The following POU2AF1 variants were observed in gnomAD, a reference collection of about 807,000 sequenced individuals.
POU2AF1 encodes the protein POU class 2 homeobox associating factor 1, also known as POU domain class 2-associating factor 1.
A neutral mutation model predicts 26.3 loss-of-function variants in POU2AF1; 12 were observed. The observed-to-expected ratio is 0.46, with a 90% CI of 0.29 to 0.74. The LOEUF is 0.74. POU2AF1 is among the 30% of genes least tolerant of loss of function. The probability of loss-of-function intolerance (pLI) is 0.09; values close to 1 mark genes in which losing one functional copy is unlikely to be tolerated. For synonymous variants in POU2AF1, 175 were observed against 148.0 expected (o/e 1.18, Z -1.32); for missense variants, 297 against 334.5 (o/e 0.89, Z 0.87).
At position 111,352,827 on chromosome 11, in the gene POU2AF1, G is replaced by A. The variant is rs1364064498; in HGVS notation, c.*1434C>T. 4 of 171,144 alleles carry A rather than the reference G, an allele frequency of 2.3e-5. No homozygotes were observed. The highest frequency in any genetic ancestry group is 6.4e-5 in the Admixed American group (1 of 15,672). 10.6% of individuals were successfully genotyped at this position (171,144 alleles called of 1,614,324 possible). A position where few individuals can be genotyped will look rare whatever the true frequency, so the allele number is the denominator to read the frequency against. ...CATGCACCTGTAATCCCAGCTACTC[G>A]GGAGGCTCAGGCAGGAGAATCACTT... On this transcript the variant is annotated 3_prime_UTR_variant, in exon 5 of 5. Coordinates refer to ENST00000393067, the MANE Select transcript of POU2AF1 (RefSeq NM_006235.3).
Position 111,379,232 on chromosome 11 carries a change from A to C in POU2AF1, c.-55T>G. Reference sequence around the variant, plus strand: ...TTGAAGCCGACAGTTTGGCTTCTTTAATGTGAGACCGGGGTGTGTTTTCCT... The same window carrying C: ...TTGAAGCCGACAGTTTGGCTTCTTTCATGTGAGACCGGGGTGTGTTTTCCT... On this transcript the variant is annotated 5_prime_UTR_variant, in exon 1 of 5. The change creates a new upstream start codon in the 5' untranslated region. Transcript: ENST00000393067. 6.2e-7 allele frequency: 1 copy of C among 1,610,914 alleles called. No homozygotes were observed.
In POU2AF1 at chr11:111,354,531, G is replaced by T; in HGVS notation, c.501C>A (p.Gly167=). 6.4e-7 allele frequency: 1 copy of T among 1,562,072 alleles called. No individual in the cohort carries two copies. The highest frequency in any genetic ancestry group is 8.6e-7 in the Non-Finnish European group (1 of 1,159,340). The change falls in exon 5 of 5, where the codon GGC becomes GGA. Residue 167 remains glycine (G), a synonymous_variant. Transcript: ENST00000393067. ...AGGTGAGGGGTGCCTGGTGCTCTGG[G>T]CCCTCCAGCGGGGGCCCCACTGCGG... ...ATPAVGPPLE[G]PEHQAPLTYF...
chr11:111,359,585 T>C (rs1860965804), intron 1 of POU2AF1, among the ~76,000 whole-genome samples: 1 of 152,258 alleles, frequency 6.6e-6, no homozygotes, highest in Non-Finnish European at 1.5e-5. Context: ...ATCTTCAGTT[T>C]CTTTATCAAA....
Position 111,354,295 on chromosome 11 carries a change from G to T in POU2AF1, c.737C>A (p.Ala246Glu). 1 of 1,614,246 alleles carries T rather than the reference G, an allele frequency of 6.2e-7. No homozygotes were observed. The highest frequency in any genetic ancestry group is 8.5e-7 in the Non-Finnish European group (1 of 1,180,044). ...TTCCACAGAGAGAGTGTGGTTAAGCGCATAGGCGTCGCTATCCTCTTCCTC... is the reference window on the plus strand; with the variant it reads ...TTCCACAGAGAGAGTGTGGTTAAGCTCATAGGCGTCGCTATCCTCTTCCTC... ...LLEEEDSDAY[A>E]LNHTLSVEGF is the part of the protein sequence containing the mutation. Residue 246 changes from alanine (A) to glutamate (E), a missense_variant, in exon 5 of 5, where the codon GCG (alanine) becomes GAG (glutamate). By Grantham distance (107) the Ala-to-Glu change is moderately radical. Transcript: ENST00000393067.
intron 1 of POU2AF1, 114 bp downstream of exon 1, chr11:111,379,048 T>G: frequency 8.1e-6 from 7 of 860,376 alleles, no homozygotes; most frequent in Non-Finnish European, 9.5e-6. Flanking sequence ...CCAGACCCCC[T>G]CCCCCCGTGG....
In POU2AF1 at chr11:111,379,152, A is replaced by G. The variant is rs758132160; in HGVS notation, c.16+10T>C. 1 of 1,614,034 alleles carries G rather than the reference A, an allele frequency of 6.2e-7. No individual in the cohort carries two copies. The highest frequency in any genetic ancestry group is 1.7e-5 in the Admixed American group (1 of 60,026). On this transcript the variant is annotated intron_variant, in intron 1 of 4. Coordinates refer to ENST00000393067, the MANE Select transcript of POU2AF1 (RefSeq NM_006235.3). ...CGCTTGGGTCTGACAGCCACAGCCAAACCACTTACGTTTTTGCCAGAGCAT... is the reference window on the plus strand; with the variant it reads ...CGCTTGGGTCTGACAGCCACAGCCAGACCACTTACGTTTTTGCCAGAGCAT...
chr11:111,353,930 GA>G lies in POU2AF1; in HGVS notation c.*330del, dbSNP rs1860786885. The G allele has an allele frequency of 6.1e-6, 2 of 326,318 alleles. No individual in the cohort carries two copies. The highest frequency in any genetic ancestry group is 1.1e-4 in the South Asian group (2 of 18,676). The allele number at this position is 326,318 out of a possible 1,614,324, so 20.2% of individuals were successfully genotyped here. A position where few individuals can be genotyped will look rare whatever the true frequency, so the allele number is the denominator to read the frequency against. ...GAGGTAAAGAAGGAAAGGGAGAAGGGAAGGAGGGAAGGAAGGGAGGGAGGAA... is the reference window on the plus strand; with the variant it reads ...GAGGTAAAGAAGGAAAGGGAGAAGGGAGGAGGGAAGGAAGGGAGGGAGGAA... On this transcript the variant is annotated 3_prime_UTR_variant, in exon 5 of 5. Transcript: ENST00000393067.
chr11:111,359,137 G>T, intron 1 of POU2AF1: 1 of 730,486 alleles, frequency 1.4e-6, no homozygotes, highest in South Asian at 1.9e-5. Context: ...CCAGCTCCTT[G>T]TCCTAGAATT....
At chr11:111,376,319 C>T (rs2135142240) in intron 1 of POU2AF1, among the ~76,000 whole-genome samples, 1 of 152,326 alleles carries the variant, frequency 6.6e-6, no homozygotes, top group South Asian at 2.1e-4. Context: ...CTGTCTCCCT[C>T]CAAGGTTCCT....
intron 4 of POU2AF1, among the ~76,000 whole-genome samples, chr11:111,355,365 C>G (rs1024442586): frequency 6.6e-6 from 1 of 152,248 alleles, no homozygotes; most frequent in Non-Finnish European, 1.5e-5. Flanking sequence ...ACTGCCCTCA[C>G]AAACCTCAGA....
At chr11:111,363,190 G>T in intron 1 of POU2AF1, 2 of 1,014,790 alleles carry the variant, frequency 2.0e-6, no homozygotes, top group African/African-American at 3.4e-5. Flanking sequence ...TCTTCCTATT[G>T]ACGTTGCAGG....
chr11:111,358,803 T>G lies in POU2AF1; in HGVS notation c.132A>C (p.Ala44=). The G allele has an allele frequency of 6.3e-7, 1 of 1,599,746 alleles. No individual in the cohort carries two copies. The highest frequency in any genetic ancestry group is 8.5e-7 in the Non-Finnish European group (1 of 1,176,488). ...RKRGHASSGA[A]PAPTAVVLPH... ...AAACTCTCACCGCCGTAGGTGCAGG[T>G]GCTGCCCCACTGCTGGCGTGGCCTC... The change falls in exon 2 of 5, where the codon GCA becomes GCC. Residue 44 remains alanine, a synonymous_variant. Transcript: ENST00000393067.
At chr11:111,372,910 T>C (rs1707897778) in intron 1 of POU2AF1, among the ~76,000 whole-genome samples, 1 of 152,078 alleles carries the variant, frequency 6.6e-6, no homozygotes, top group Non-Finnish European at 1.5e-5. Context: ...TTCTTGCTTG[T>C]CCGAAGATGT....
chr11:111,361,249 A>C (rs1861002800), intron 1 of POU2AF1, among the ~76,000 whole-genome samples: 1 of 152,202 alleles, frequency 6.6e-6, no homozygotes, highest in South Asian at 2.1e-4. Context: ...ATGTGTCACA[A>C]CTTGTGAAAT....
intron 1 of POU2AF1, among the ~76,000 whole-genome samples, chr11:111,377,042 C>G (rs1461556458): frequency 6.6e-6 from 1 of 152,090 alleles, no homozygotes; most frequent in Non-Finnish European, 1.5e-5. Flanking sequence ...ATCTATCTGA[C>G]TGGTCTCCAG....
In POU2AF1 at chr11:111,354,004, G is replaced by A; in HGVS notation, c.*257C>T. The A allele has an allele frequency of 2.3e-6, 1 of 426,874 alleles. No homozygotes were observed. The allele number at this position is 426,874 out of a possible 1,614,324, so 26.4% of individuals were successfully genotyped here. A position where few individuals can be genotyped will look rare whatever the true frequency, so the allele number is the denominator to read the frequency against. On this transcript the variant is annotated 3_prime_UTR_variant, in exon 5 of 5. Transcript: ENST00000393067. ...GGAGAAGGGAAGGAGGGAAGGAAGGGAGGGAGGAAAAGGAAGGAAGGGGTT... is the reference window on the plus strand; with the variant it reads ...GGAGAAGGGAAGGAGGGAAGGAAGGAAGGGAGGAAAAGGAAGGAAGGGGTT...
At chr11:111,366,258 G>A (rs144588412) in intron 1 of POU2AF1, among the ~76,000 whole-genome samples, 2 of 152,314 alleles carry the variant, frequency 1.3e-5, no homozygotes, top group East Asian at 3.9e-4. Flanking sequence ...TTTGAACTGA[G>A]AGGATCCTGC....
chr11:111,355,259 A>G (rs1860820506), intron 4 of POU2AF1, among the ~76,000 whole-genome samples: 1 of 152,066 alleles, frequency 6.6e-6, no homozygotes, highest in South Asian at 2.1e-4. Context: ...GCTGATCTCC[A>G]TGGCCATCCC....
At chr11:111,369,424 T>C (rs1365662888) in intron 1 of POU2AF1, among the ~76,000 whole-genome samples, 2 of 152,140 alleles carry the variant, frequency 1.3e-5, no homozygotes, top group African/African-American at 4.8e-5. Context: ...TGCAGCCCCT[T>C]AAGGAACCTA....
Sources: gnomAD v4.1 joint callset for allele counts (sites outside exome capture counted in the v4.1 genomes callset) on GRCh38, gnomAD v4.1.1 for gene constraint, MANE v1.5 for transcripts, NCBI Gene and HGNC (gene_info 2026-07-23, HGNC 2026-07-21) for gene names.